The following CABLES1 variants were observed in gnomAD, a reference collection of about 807,000 sequenced individuals.
CABLES1 encodes Cdk5 and Abl enzyme substrate 1, also known as CDK5 and ABL1 enzyme substrate 1.
In CABLES1, 36 loss-of-function variants were observed where a neutral mutation model predicts 57.8. The observed-to-expected ratio is 0.62, with a 90% CI of 0.48 to 0.82. The LOEUF is 0.82. Among genes scored for constraint, CABLES1 ranks in the 40% least tolerant of loss-of-function variants. The pLI, the probability that CABLES1 is intolerant of heterozygous loss-of-function variation, is 0.00. For synonymous variants in CABLES1, 374 were observed against 363.0 expected, an observed-to-expected ratio of 1.03 and a Z score of -0.35; for missense variants, 767 against 836.6, an observed-to-expected ratio of 0.92 and a Z score of 1.03.
intron 4 of CABLES1, among the ~76,000 whole-genome samples, chr18:23,230,608 A>G (rs1436930710): frequency 1.3e-5 from 2 of 152,148 alleles, no homozygotes; most frequent in Admixed American, 6.5e-5. Flanking sequence ...CTGAGATGAT[A>G]TTTATTACTG....
At chr18:23,214,119 T>C (rs759011843) in intron 4 of CABLES1, 65 bp downstream of exon 4, 1 of 1,139,030 alleles carries the variant, frequency 8.8e-7, no homozygotes, top group Non-Finnish European at 1.3e-6. Flanking sequence ...ATGTACATAA[T>C]GTGGCCATCC....
chr18:23,135,340 C>A (rs1277186574), upstream of CABLES1: 1 of 152,464 alleles, frequency 6.6e-6, no homozygotes, highest in Non-Finnish European at 1.5e-5. Flanking sequence ...CTCCCGCCGT[C>A]TGCCTCTGCG....
chr18:23,170,137 A>G (rs533839153), intron 1 of CABLES1, among the ~76,000 whole-genome samples: 1 of 152,288 alleles, frequency 6.6e-6, no homozygotes, highest in South Asian at 2.1e-4. Flanking sequence ...GGCCATGTGG[A>G]TGTACATATT....
chr18:23,146,910 A>G (rs2046894926), intron 1 of CABLES1, among the ~76,000 whole-genome samples: 1 of 152,158 alleles, frequency 6.6e-6, no homozygotes, highest in Admixed American at 6.6e-5. Flanking sequence ...CCAGTCTCAA[A>G]TCTTCTACTT....
chr18:23,193,051 A>C (rs908929943), intron 2 of CABLES1, among the ~76,000 whole-genome samples: 7 of 152,100 alleles, frequency 4.6e-5, no homozygotes, highest in Admixed American at 4.6e-4. Flanking sequence ...TCTTTTTAAA[A>C]AATTAAAAAA....
upstream of CABLES1, among the ~76,000 whole-genome samples, chr18:23,135,183 C>T (rs1163190567): frequency 6.6e-6 from 1 of 152,120 alleles, no homozygotes; most frequent in Non-Finnish European, 1.5e-5. Flanking sequence ...GAAACGTGCT[C>T]GCCTCCCGCA....
At chr18:23,143,103 C>G (rs1320518948) in intron 1 of CABLES1, among the ~76,000 whole-genome samples, 1 of 152,142 alleles carries the variant, frequency 6.6e-6, no homozygotes, top group Admixed American at 6.5e-5. Context: ...CTGAACTGAG[C>G]AGAAGTTGAC....
chr18:23,222,531 T>C (rs1450321943), intron 4 of CABLES1, among the ~76,000 whole-genome samples: 1 of 134,710 alleles, frequency 7.4e-6, no homozygotes, highest in Non-Finnish European at 1.5e-5. Flanking sequence ...TCTCTCTCTC[T>C]GTCTCTCTCT....
At chr18:23,186,673 C>A (rs752754934) in intron 1 of CABLES1, among the ~76,000 whole-genome samples, 1 of 152,128 alleles carries the variant, frequency 6.6e-6, no homozygotes, top group Non-Finnish European at 1.5e-5. Flanking sequence ...CCACCCACCT[C>A]GGCCTCCCAA....
Position 23,235,959 on chromosome 18 carries a change from A to G in CABLES1, c.1250A>G (p.Asp417Gly), listed in dbSNP as rs1481748905. The G allele has an allele frequency of 6.2e-7, 1 of 1,613,672 alleles. No homozygotes were observed. The highest frequency in any genetic ancestry group is 8.5e-7 in the Non-Finnish European group (1 of 1,179,910). ...TTTGGAGCCCGGAGAAATACCATAG[A>G]CTCCACCTCCTCTTTCTCCCAGTTC... ...NAFGARRNTIDSTSSFSQFRN... is the reference protein window; with the variant it reads ...NAFGARRNTIGSTSSFSQFRN... The change falls in exon 6 of 10, where the codon GAC becomes GGC. Residue 417 changes from aspartate to glycine, a missense_variant. Transcript: ENST00000256925.
rs899163092 is a variant in CABLES1, at chr18:23,135,896, C to G, written c.134C>G (p.Ala45Gly). Reference sequence around the variant, plus strand: ...CCTCAGCCCGCGGCCGCCGCGCCGGCCCAGCCGCCGCCCGAACCCCCCCGG... The same window carrying G: ...CCTCAGCCCGCGGCCGCCGCGCCGGGCCAGCCGCCGCCCGAACCCCCCCGG... ...PQPQPAAAAP[A>G]QPPPEPPRKP... The change falls in exon 1 of 10, where the codon GCC becomes GGC. Residue 45 changes from alanine (A) to glycine (G), a missense_variant. By Grantham distance (60) the Ala-to-Gly change is moderately conservative. Coordinates refer to ENST00000256925, the MANE Select transcript of CABLES1 (RefSeq NM_001100619.3). 2 of 1,066,506 alleles carry G rather than the reference C, an allele frequency of 1.9e-6. No individual in the cohort carries two copies. The highest frequency in any genetic ancestry group is 1.7e-5 in the African/African-American group (1 of 58,358). The allele number at this position is 1,066,506 out of a possible 1,614,324, so 66.1% of individuals were successfully genotyped here.
intron 1 of CABLES1, among the ~76,000 whole-genome samples, chr18:23,164,313 C>G (rs1354138004): frequency 6.6e-6 from 1 of 152,152 alleles, no homozygotes; most frequent in Non-Finnish European, 1.5e-5. Flanking sequence ...TTGGTTGGTC[C>G]CTCCTCGGGT....
At chr18:23,206,721 G>T (rs972071994) in intron 3 of CABLES1, among the ~76,000 whole-genome samples, 1 of 151,826 alleles carries the variant, frequency 6.6e-6, no homozygotes, top group East Asian at 1.9e-4. Context: ...TTTTTTCAAT[G>T]ACTTGCCTTG....
intron 4 of CABLES1, among the ~76,000 whole-genome samples, chr18:23,222,859 A>G (rs967847153): frequency 6.6e-6 from 1 of 152,154 alleles, no homozygotes; most frequent in African/African-American, 2.4e-5. Context: ...CCCACAGTGA[A>G]AGTCAAAGTT....
At chr18:23,157,875 T>A (rs1429825643) in intron 1 of CABLES1, among the ~76,000 whole-genome samples, 2 of 152,036 alleles carry the variant, frequency 1.3e-5, no homozygotes, top group African/African-American at 4.8e-5. Context: ...GGAGTGTAAA[T>A]CCTGGAGCCA....
chr18:23,235,170 T>A (rs1398559896), intron 5 of CABLES1, among the ~76,000 whole-genome samples: 1 of 152,144 alleles, frequency 6.6e-6, no homozygotes, highest in African/African-American at 2.4e-5. Flanking sequence ...GTCGTGGGGT[T>A]GAAGTCTCAG....
At chr18:23,172,293 C>G (rs2047088485) in intron 1 of CABLES1, among the ~76,000 whole-genome samples, 1 of 152,172 alleles carries the variant, frequency 6.6e-6, no homozygotes, top group Non-Finnish European at 1.5e-5. Flanking sequence ...GTTACCTCTG[C>G]TAACCCATCC....
At chr18:23,159,710 A>G (rs1239341727) in intron 1 of CABLES1, among the ~76,000 whole-genome samples, 3 of 152,220 alleles carry the variant, frequency 2.0e-5, no homozygotes, top group Non-Finnish European at 2.9e-5. Flanking sequence ...AAAATTAATA[A>G]TTAACACACA....
At chr18:23,197,125 CAGAA>C (rs1415846208) in intron 3 of CABLES1, 3 of 152,132 alleles carry the variant, frequency 2.0e-5, no homozygotes, top group Non-Finnish European at 4.4e-5. Context: ...CATTTTGAGA[CAGAA>C]AGGGGAAAAC....
Sources: gnomAD v4.1 joint callset for allele counts (sites outside exome capture counted in the v4.1 genomes callset) on GRCh38, gnomAD v4.1.1 for gene constraint, MANE v1.5 for transcripts, NCBI Gene and HGNC (gene_info 2026-07-23, HGNC 2026-07-21) for gene names.